The following TSPAN18 variants were observed in gnomAD, a reference collection of about 807,000 sequenced individuals.
The protein encoded by TSPAN18 is tetraspanin 18, also known as tetraspanin-18.
Under a neutral mutation model 27.3 loss-of-function variants are expected in TSPAN18, and 14 were observed. The observed-to-expected ratio is 0.51, with a 90% CI of 0.34 to 0.80. TSPAN18 has a LOEUF of 0.80. TSPAN18 is among the 30% of genes least tolerant of loss of function. The pLI is 0.01. For synonymous variants in TSPAN18, 143 were observed against 136.5 expected (o/e 1.05, Z -0.33); for missense variants, 268 against 323.9 (o/e 0.83, Z 1.32).
At chr11:44,923,705 G>T (rs1860233415) in intron 8 of TSPAN18, among the ~76,000 whole-genome samples, 1 of 152,086 alleles carries the variant, frequency 6.6e-6, no homozygotes. Context: ...TAAAATGCAG[G>T]TAAGACCCCT....
chr11:44,749,732 G>A lies in TSPAN18; in HGVS notation c.-239-14694G>A, dbSNP rs183507423. Among the ~76,000 whole-genome samples the A allele has an allele frequency of 3.8e-3, 564 of 149,342 alleles. 3 individuals carry two copies. Among genetic ancestry groups the A allele is most frequent in the African/African-American group, 0.014 (544 of 39,342 alleles). ...GCTCACTGCAAACTCTGCCTCCCGG[G>A]TTCACACCATTCTCCTGCCTCAGCC... On this transcript the variant is annotated intron_variant, in intron 1 of 9. Transcript: ENST00000520358.
At chr11:44,739,774 A>G (rs1030209052) in intron 1 of TSPAN18, among the ~76,000 whole-genome samples, 1 of 142,028 alleles carries the variant, frequency 7.0e-6, no homozygotes, top group Non-Finnish European at 1.5e-5. Context: ...GGGCCCAGAG[A>G]CAGCCCTGGG....
At chr11:44,773,993 C>A (rs1855748344) in intron 2 of TSPAN18, among the ~76,000 whole-genome samples, 1 of 152,194 alleles carries the variant, frequency 6.6e-6, no homozygotes. Context: ...GTCGGACTCC[C>A]ACCCTCAGCC....
chr11:44,786,021 G>A (rs1856048878), intron 2 of TSPAN18, among the ~76,000 whole-genome samples: 1 of 152,280 alleles, frequency 6.6e-6, no homozygotes, highest in South Asian at 2.1e-4. Flanking sequence ...GGCAGAGCCT[G>A]TGAAGTGCTG....
intron 3 of TSPAN18, chr11:44,903,938 G>T: frequency 2.2e-6 from 1 of 451,816 alleles, no homozygotes; most frequent in Non-Finnish European, 4.5e-6. Context: ...GTTGTTATGA[G>T]TTAGTAAATG....
At chr11:44,769,488 GTGTT>G (rs1855642265) in intron 2 of TSPAN18, among the ~76,000 whole-genome samples, 1 of 152,186 alleles carries the variant, frequency 6.6e-6, no homozygotes, top group South Asian at 2.1e-4. Context: ...TCTCCCATAA[GTGTT>G]TGGTAGACTT....
chr11:44,741,711 G>T (rs890135597), intron 1 of TSPAN18, among the ~76,000 whole-genome samples: 2 of 152,122 alleles, frequency 1.3e-5, no homozygotes, highest in African/African-American at 2.4e-5. Context: ...CATGGATCTG[G>T]GTTCAAATCC....
At chr11:44,805,068 A>G (rs1436615064) in intron 2 of TSPAN18, among the ~76,000 whole-genome samples, 1 of 152,166 alleles carries the variant, frequency 6.6e-6, no homozygotes, top group Non-Finnish European at 1.5e-5. Context: ...GTGACTGGCT[A>G]CCTTGTTAGT....
At chr11:44,849,015 C>A (rs539720554) in intron 2 of TSPAN18, among the ~76,000 whole-genome samples, 1 of 152,354 alleles carries the variant, frequency 6.6e-6, no homozygotes, top group South Asian at 2.1e-4. Flanking sequence ...GCCTCCATTT[C>A]TTCATCTTTA....
intron 2 of TSPAN18, among the ~76,000 whole-genome samples, chr11:44,843,229 G>A (rs866982926): frequency 3.9e-5 from 6 of 152,178 alleles, no homozygotes; most frequent in Admixed American, 1.3e-4. Context: ...GAGAAATAAA[G>A]GGACAGAGTA....
chr11:44,735,657 C>T (rs1411031880), intron 1 of TSPAN18, among the ~76,000 whole-genome samples: 2 of 150,950 alleles, frequency 1.3e-5, no homozygotes, highest in African/African-American at 4.9e-5. Context: ...CTCGCTCTGT[C>T]ACCCAGGCTG....
At chr11:44,850,694 C>T (rs538664021) in intron 2 of TSPAN18, among the ~76,000 whole-genome samples, 1 of 152,276 alleles carries the variant, frequency 6.6e-6, no homozygotes, top group South Asian at 2.1e-4. Flanking sequence ...GGTTCAGGTT[C>T]ACATAAGGTA....
chr11:44,872,509 A>G (rs773916832), intron 3 of TSPAN18, among the ~76,000 whole-genome samples: 1 of 152,232 alleles, frequency 6.6e-6, no homozygotes, highest in Non-Finnish European at 1.5e-5. Flanking sequence ...TACGCTATCA[A>G]CAGAGCACTG....
Position 44,931,021 on chromosome 11 carries a change from C to T in TSPAN18, c.*1843C>T. ...CCCCCTTCTGAGATGCAGCCAGAAG[C>T]TCTGTGCCTGCTGCAAAGATTCAGG... On this transcript the variant is annotated 3_prime_UTR_variant, in exon 10 of 10. Coordinates refer to ENST00000520358, the MANE Select transcript of TSPAN18 (RefSeq NM_130783.5). 1 of 459,858 alleles carries T rather than the reference C, an allele frequency of 2.2e-6. No homozygotes were observed. The highest frequency in any genetic ancestry group is 1.6e-5 in the South Asian group (1 of 64,436). 28.5% of individuals were successfully genotyped at this position (459,858 alleles called of 1,614,324 possible).
chr11:44,889,895 T>A (rs1183079322), intron 3 of TSPAN18, among the ~76,000 whole-genome samples: 1 of 152,200 alleles, frequency 6.6e-6, no homozygotes. Flanking sequence ...GTCCCAGAGG[T>A]CTGAGGGTTA....
intron 1 of TSPAN18, among the ~76,000 whole-genome samples, chr11:44,745,568 C>T (rs1219312801): frequency 6.6e-6 from 1 of 152,144 alleles, no homozygotes; most frequent in Non-Finnish European, 1.5e-5. Flanking sequence ...TGGGGGGTGT[C>T]CAGAAGGGGC....
intron 1 of TSPAN18, among the ~76,000 whole-genome samples, chr11:44,752,027 A>T (rs1275968116): frequency 6.6e-6 from 1 of 151,996 alleles, no homozygotes; most frequent in Non-Finnish European, 1.5e-5. Flanking sequence ...GTATGTTTGC[A>T]TGTTGTTAAG....
intron 3 of TSPAN18, among the ~76,000 whole-genome samples, chr11:44,900,392 T>G (rs1590655338): frequency 6.6e-6 from 1 of 152,228 alleles, no homozygotes; most frequent in African/African-American, 2.4e-5. Flanking sequence ...TTGAGAATGC[T>G]GATTAGGAGT....
chr11:44,914,934 C>T (rs1189166819), intron 5 of TSPAN18, among the ~76,000 whole-genome samples: 1 of 152,218 alleles, frequency 6.6e-6, no homozygotes, highest in Non-Finnish European at 1.5e-5. Context: ...GAGCAGCTCT[C>T]ATGTCATGCC....
Sources: allele counts gnomAD v4.1 joint callset (sites outside exome capture counted in the v4.1 genomes callset), GRCh38; gene constraint gnomAD v4.1.1; transcripts MANE v1.5; gene names NCBI Gene and HGNC (gene_info 2026-07-23, HGNC 2026-07-21).